UBASH3B: variants seen among roughly 807,000 people sequenced by gnomAD.
UBASH3B encodes ubiquitin associated and SH3 domain containing B.
UBASH3B carries 37 observed loss-of-function variants against 83.4 expected under a neutral mutation model. The observed-to-expected ratio is 0.44, with a 90% CI of 0.34 to 0.58. The LOEUF (loss-of-function observed/expected upper bound fraction) is 0.58. Among genes scored for constraint, UBASH3B ranks in the 20% least tolerant of loss-of-function variants. The pLI is 0.01. For missense variants in UBASH3B, 657 were observed against 827.2 expected, an observed-to-expected ratio of 0.79 and a Z score of 2.52; for synonymous variants, 304 against 318.3, an observed-to-expected ratio of 0.96 and a Z score of 0.48.
At chr11:122,725,991 C>T (rs1309222270) in intron 1 of UBASH3B, among the ~76,000 whole-genome samples, 1 of 152,048 alleles carries the variant, frequency 6.6e-6, no homozygotes, top group African/African-American at 2.4e-5. Context: ...TGCACCCGGC[C>T]CCTTGTTTCA....
chr11:122,720,588 C>G (rs79658401), intron 1 of UBASH3B, among the ~76,000 whole-genome samples: 2,080 of 152,308 alleles, frequency 0.014, 26 homozygotes, highest in Middle Eastern at 0.048. Context: ...CTCTCTGAAT[C>G]TGTTTCCTAG....
chr11:122,706,291 A>G (rs1294394880), intron 1 of UBASH3B, among the ~76,000 whole-genome samples: 1 of 151,562 alleles, frequency 6.6e-6, no homozygotes, highest in African/African-American at 2.4e-5. Flanking sequence ...TCTTAATGCC[A>G]CCCCTGGATT....
At chr11:122,798,871 C>T (rs1243863595) in intron 9 of UBASH3B, 71 bp from the exon 10 acceptor site, 5 of 1,322,050 alleles carry the variant, frequency 3.8e-6, no homozygotes, top group South Asian at 1.2e-5. Flanking sequence ...GCTTGGCCCC[C>T]TCTCACACTG....
chr11:122,787,580 T>C (rs982353066), intron 5 of UBASH3B, among the ~76,000 whole-genome samples: 3 of 152,202 alleles, frequency 2.0e-5, no homozygotes, highest in Non-Finnish European at 2.9e-5. Context: ...TGTATCACCT[T>C]GACATCAACC....
chr11:122,704,937 A>G (rs534251074), intron 1 of UBASH3B, among the ~76,000 whole-genome samples: 9 of 152,290 alleles, frequency 5.9e-5, no homozygotes, highest in African/African-American at 1.7e-4. Flanking sequence ...AGAAGAAAAG[A>G]AGGTCACTCT....
At chr11:122,717,023 G>T (rs1339191400) in intron 1 of UBASH3B, among the ~76,000 whole-genome samples, 3 of 152,140 alleles carry the variant, frequency 2.0e-5, no homozygotes, top group Non-Finnish European at 4.4e-5. Context: ...CGAGGCCAAG[G>T]TGTAACAAAC....
chr11:122,656,342 G>A (rs1426714530), intron 1 of UBASH3B, 132 bp downstream of exon 1: 3 of 946,500 alleles, frequency 3.2e-6, no homozygotes, highest in South Asian at 4.7e-5. Context: ...CCTGTTGGGG[G>A]CGGGATGGGC....
rs1011754378 is a variant in UBASH3B at position 122,759,855 on chromosome 11, C to CT, written c.162-16362dup. ...TGGCTCAGGGGTTGGAGACACCTGA[C>CT]TTAGATGTGTCTTATGTGTGTCATA... On this transcript the variant is annotated intron_variant, in intron 1 of 13. Transcript: ENST00000284273. This position sits in a 1 kb window ranked among gnomAD's most constrained non-coding sequence, Gnocchi z 4.1. 1.3e-5 allele frequency among the ~76,000 whole-genome samples: 2 copies of CT among 152,248 alleles called. No homozygotes were observed. The highest frequency in any genetic ancestry group is 1.3e-4 in the Admixed American group (2 of 15,294).
In UBASH3B at chr11:122,809,995, T is replaced by G. The variant is rs1861411942; in HGVS notation, c.*109T>G. 7.5e-7 allele frequency: 1 copy of G among 1,338,390 alleles called. No individual in the cohort carries two copies. The highest frequency in any genetic ancestry group is 2.3e-5 in the East Asian group (1 of 43,062). 82.9% of individuals were successfully genotyped at this position (1,338,390 alleles called of 1,614,324 possible). On this transcript the variant is annotated 3_prime_UTR_variant, in exon 14 of 14. Coordinates refer to ENST00000284273, the MANE Select transcript of UBASH3B (RefSeq NM_032873.5). ...CTCTAAGTGGACAGCTCAGAATAAT[T>G]TAGCATATTTCCTTTCACACTTAAA...
At chr11:122,726,349 C>CT (rs11369075) in intron 1 of UBASH3B, 84,539 of 126,972 alleles carry the variant, frequency 0.67, 29,324 homozygotes, top group Middle Eastern at 0.8. Context: ...TCTTCTTCTT[C>CT]TTTTTTTTTT....
chr11:122,761,077 G>A (rs1861363232), intron 1 of UBASH3B, among the ~76,000 whole-genome samples: 1 of 152,166 alleles, frequency 6.6e-6, no homozygotes, highest in Non-Finnish European at 1.5e-5. Flanking sequence ...CCTATAGTCT[G>A]GTTTGGAGGA....
At position 122,814,197 on chromosome 11, in the gene UBASH3B, G is replaced by C. The variant is rs1018487973; in HGVS notation, c.*4311G>C. ...ATTCTAAACCTGTTATTTTGGAGAG[G>C]TGTATTGGTTTCTTTCTCATTTATA... On this transcript the variant is annotated 3_prime_UTR_variant, in exon 14 of 14. Coordinates refer to ENST00000284273, the MANE Select transcript of UBASH3B (RefSeq NM_032873.5). 1 of 152,548 alleles carries C rather than the reference G, an allele frequency of 6.6e-6. No individual in the cohort carries two copies. Among genetic ancestry groups the C allele is most frequent in the Non-Finnish European group, 1.5e-5 (1 of 68,026 alleles). The allele number at this position is 152,548 out of a possible 1,614,324, so 9.4% of individuals were successfully genotyped here.
intron 1 of UBASH3B, among the ~76,000 whole-genome samples, chr11:122,688,811 AT>A (rs1284818895): frequency 2.0e-5 from 3 of 151,148 alleles, no homozygotes; most frequent in East Asian, 1.9e-4. Flanking sequence ...CGCCCGGCTA[AT>A]TTTTTGTATT....
chr11:122,771,406 A>C (rs534972722), intron 1 of UBASH3B, among the ~76,000 whole-genome samples: 4 of 151,968 alleles, frequency 2.6e-5, no homozygotes, highest in Non-Finnish European at 5.9e-5. Flanking sequence ...ACGCCCGGCT[A>C]ATTTTTGTAT....
intron 6 of UBASH3B, among the ~76,000 whole-genome samples, chr11:122,790,541 T>A (rs1861035835): frequency 6.6e-6 from 1 of 152,202 alleles, no homozygotes. Flanking sequence ...AAAATATGCG[T>A]GAATAAACTG....
chr11:122,700,748 C>G (rs181870488), intron 1 of UBASH3B, among the ~76,000 whole-genome samples: 1 of 152,142 alleles, frequency 6.6e-6, no homozygotes, highest in Non-Finnish European at 1.5e-5. Context: ...CCACCCTCCT[C>G]GGCCTCCCAA....
intron 1 of UBASH3B, among the ~76,000 whole-genome samples, chr11:122,751,992 A>T (rs1861206712): frequency 6.6e-6 from 1 of 152,244 alleles, no homozygotes; most frequent in Non-Finnish European, 1.5e-5. Flanking sequence ...ATATAAACCT[A>T]AAGTATAAAA....
chr11:122,724,498 C>T (rs1860697368), intron 1 of UBASH3B, among the ~76,000 whole-genome samples: 1 of 152,138 alleles, frequency 6.6e-6, no homozygotes, highest in Non-Finnish European at 1.5e-5. Context: ...CAGACCACTG[C>T]CATGTAAAGT....
At chr11:122,743,459 T>C (rs2135961784) in intron 1 of UBASH3B, among the ~76,000 whole-genome samples, 1 of 152,280 alleles carries the variant, frequency 6.6e-6, no homozygotes. Flanking sequence ...CAAGTGACCC[T>C]CCTGCTTCGG....
Sources: allele counts gnomAD v4.1 joint callset (sites outside exome capture counted in the v4.1 genomes callset), GRCh38; gene constraint gnomAD v4.1.1; non-coding constraint Gnocchi (gnomAD v3.1); transcripts MANE v1.5; gene names NCBI Gene and HGNC (gene_info 2026-07-23, HGNC 2026-07-21).